The following OR10H1 variants were observed in gnomAD, a reference collection of about 807,000 sequenced individuals.
OR10H1 encodes the protein olfactory receptor family 10 subfamily H member 1.
Under a neutral mutation model 13.1 loss-of-function variants are expected in OR10H1, and 12 were observed. The ratio of observed to expected loss-of-function variants is 0.92; its 90% CI spans 0.59 to 1.48. OR10H1 has a LOEUF of 1.48. OR10H1 is among the 40% of genes most tolerant of loss of function. The pLI is 0.00. For missense variants in OR10H1, 363 were observed against 413.1 expected (o/e 0.88, Z 1.05); for synonymous variants, 168 against 175.6 (o/e 0.96, Z 0.34).
At chr19:15,815,027 A>T (rs2088958668) in intron 1 of OR10H1, among the ~76,000 whole-genome samples, 1 of 152,124 alleles carries the variant, frequency 6.6e-6, no homozygotes, top group African/African-American at 2.4e-5. Context: ...CTACCTCATG[A>T]GGCAGCAGGA....
At position 15,814,608 on chromosome 19, in the gene OR10H1, G is replaced by A. The variant is rs563554399; in HGVS notation, c.-778+947C>T. ...GCTCACTGCAGCCTTAACTTCCTGGGCTCAAGCAATCCTCCCACCTCAATC... is the reference window on the plus strand; with the variant it reads ...GCTCACTGCAGCCTTAACTTCCTGGACTCAAGCAATCCTCCCACCTCAATC... On this transcript the variant is annotated intron_variant, in intron 1 of 3. Coordinates refer to ENST00000641419, the MANE Select transcript of OR10H1 (RefSeq NM_013940.4). 3.3e-5 allele frequency among the ~76,000 whole-genome samples: 5 copies of A among 151,806 alleles called. No individual in the cohort carries two copies. In the East Asian group the frequency reaches 7.8e-4, roughly 24 times the overall value.
intron 3 of OR10H1, 62 bp from the exon 4 acceptor site, chr19:15,808,110 C>G: frequency 7.1e-7 from 1 of 1,398,882 alleles, no homozygotes; most frequent in Non-Finnish European, 1.0e-6. Context: ...TCAGCCTTCC[C>G]CATACCTGGA....
intron 3 of OR10H1, 121 bp from the exon 4 acceptor site, chr19:15,808,169 C>G: frequency 1.3e-6 from 1 of 748,228 alleles, no homozygotes; most frequent in East Asian, 2.6e-5. Flanking sequence ...CATTCCCACT[C>G]TGTACCTCCT....
rs1364733053 is a variant in OR10H1, at chr19:15,805,974, T to C, written c.*1107A>G. 1 of 152,224 alleles carries C rather than the reference T, an allele frequency of 6.6e-6. No individual in the cohort carries two copies. Among genetic ancestry groups the C allele is most frequent in the African/African-American group, 2.4e-5 (1 of 41,454 alleles). The allele number at this position is 152,224 out of a possible 1,614,324, so 9.4% of individuals were successfully genotyped here. On this transcript the variant is annotated 3_prime_UTR_variant, in exon 4 of 4. Coordinates refer to ENST00000641419, the MANE Select transcript of OR10H1 (RefSeq NM_013940.4). ...TGTTTAAAGAGAGTCTGTTTATTGC[T>C]ATTTCTAACTTCTATTGCATAGATC...
rs201524233 is a variant in OR10H1, at chr19:15,807,124, G to A, written c.914C>T (p.Thr305Ile). The A allele has an allele frequency of 6.9e-5, 111 of 1,614,016 alleles. No homozygotes were observed. Among genetic ancestry groups the A allele is most frequent in the Non-Finnish European group, 8.6e-5 (102 of 1,179,972 alleles). The change falls in exon 4 of 4, where the codon ACC becomes ATC. Residue 305 changes from threonine (T) to isoleucine (I), a missense_variant. Thr to Ile is a moderately conservative substitution (Grantham distance 89). Coordinates refer to ENST00000641419, the MANE Select transcript of OR10H1 (RefSeq NM_013940.4). The part of the protein sequence containing the change: ...NKELKVAMKK[T>I]FFSKLYPEKN... ...TTCTGGGTAGAGTTTACTGAAGAAG[G>A]TCTTCTTCATGGCGACCTTCAGCTC...
At chr19:15,808,213 G>A (rs1425395147) in intron 3 of OR10H1, 165 bp from the exon 4 acceptor site, 5 of 617,714 alleles carry the variant, frequency 8.1e-6, no homozygotes, top group Non-Finnish European at 1.4e-5. Flanking sequence ...TAGTGAGAAC[G>A]GTACTATTTT....
At chr19:15,809,920 A>G (rs905202218) in intron 2 of OR10H1, among the ~76,000 whole-genome samples, 1 of 151,962 alleles carries the variant, frequency 6.6e-6, no homozygotes, top group Non-Finnish European at 1.5e-5. Context: ...GGCTTAAGCG[A>G]TCTTCCCTTC....
chr19:15,812,034 C>T (rs1361381354), intron 2 of OR10H1, among the ~76,000 whole-genome samples, 196 bp downstream of exon 2: 1 of 152,190 alleles, frequency 6.6e-6, no homozygotes, highest in Non-Finnish European at 1.5e-5. Context: ...TCACATCACT[C>T]ATGCTATTCT....
Position 15,812,671 on chromosome 19 carries a change from G to A in OR10H1, c.-570C>T, listed in dbSNP as rs1014544513. 2.0e-5 allele frequency: 3 copies of A among 149,806 alleles called. No homozygotes were observed. The highest frequency in any genetic ancestry group is 6.7e-5 in the Admixed American group (1 of 14,920). The allele number at this position is 149,806 out of a possible 1,614,324, so 9.3% of individuals were successfully genotyped here. Reference sequence around the variant, plus strand: ...AGAAAGGGAGGGAGGGAGGCAGGAAGGAAGGAAGGAGAGTGAGGGAGGAAA... The same window carrying A: ...AGAAAGGGAGGGAGGGAGGCAGGAAAGAAGGAAGGAGAGTGAGGGAGGAAA... On this transcript the variant is annotated 5_prime_UTR_variant, in exon 2 of 4. Transcript: ENST00000641419.
chr19:15,806,778 A>G lies in OR10H1; in HGVS notation c.*303T>C. On this transcript the variant is annotated 3_prime_UTR_variant, in exon 4 of 4. Coordinates refer to ENST00000641419, the MANE Select transcript of OR10H1 (RefSeq NM_013940.4). Reference sequence around the variant, plus strand: ...AGTCTCACTCTGTCGCCCAGGCTGGAGTGCAGTGGTGTGATCTCAGCTCAC... The same window carrying G: ...AGTCTCACTCTGTCGCCCAGGCTGGGGTGCAGTGGTGTGATCTCAGCTCAC... 3.5e-6 allele frequency: 1 copy of G among 289,018 alleles called. No homozygotes were observed. The highest frequency in any genetic ancestry group is 6.5e-6 in the Non-Finnish European group (1 of 154,144). The allele number at this position is 289,018 out of a possible 1,614,324, so 17.9% of individuals were successfully genotyped here. A position where few individuals can be genotyped will look rare whatever the true frequency, so the allele number is the denominator to read the frequency against.
chr19:15,808,855 A>C lies in OR10H1; in HGVS notation c.-128-14T>G, dbSNP rs2365546. The C allele has an allele frequency of 6.6e-6, 1 of 150,602 alleles. No individual in the cohort carries two copies. The highest frequency in any genetic ancestry group is 2.5e-5 in the African/African-American group (1 of 40,312). The allele number at this position is 150,602 out of a possible 1,614,324, so 9.3% of individuals were successfully genotyped here. A position where few individuals can be genotyped will look rare whatever the true frequency, so the allele number is the denominator to read the frequency against. ...CAGAGCGAGTCTCTGTCTCAAAAAAAAAAAAAATAAATAAATAAAAAGAAG... is the reference window on the plus strand; with the variant it reads ...CAGAGCGAGTCTCTGTCTCAAAAAACAAAAAAATAAATAAATAAAAAGAAG... On this transcript the variant is annotated splice_polypyrimidine_tract_variant and intron_variant, in intron 2 of 3. Coordinates refer to ENST00000641419, the MANE Select transcript of OR10H1 (RefSeq NM_013940.4).
In OR10H1 at chr19:15,807,308, A is replaced by G. The variant is rs761228534; in HGVS notation, c.730T>C (p.Ser244Pro). 1.2e-6 allele frequency: 2 copies of G among 1,613,938 alleles called. No homozygotes were observed. The highest frequency in any genetic ancestry group is 1.7e-6 in the Non-Finnish European group (2 of 1,179,832). The change falls in exon 4 of 4, where the codon TCT becomes CCT. Residue 244 changes from serine to proline, a missense_variant. Around this residue, in one of 3 missense-constraint regions of OR10H1, gnomAD observed 318 missense variants for 366.6 expected, o/e 0.87. Transcript: ENST00000641419. ...TGCACGACCACCACAGTGAGGTGAG[A>G]GGCACAGGTGGAGAAGGCCTTGTTC... ...GRNKAFSTCA[S>P]HLTVVVVHYG...
At chr19:15,810,407 C>G (rs2088926837) in intron 2 of OR10H1, among the ~76,000 whole-genome samples, 1 of 149,028 alleles carries the variant, frequency 6.7e-6, no homozygotes, top group Non-Finnish European at 1.5e-5. Flanking sequence ...CCTTTTGTGT[C>G]TCATTTCTTT....
chr19:15,812,011 C>A (rs1396908188), intron 2 of OR10H1, among the ~76,000 whole-genome samples: 2 of 152,164 alleles, frequency 1.3e-5, no homozygotes, highest in African/African-American at 4.8e-5. Flanking sequence ...GTCCTACAGA[C>A]CAGGCACTGC....
At chr19:15,808,473 G>C (rs1191565213) in intron 3 of OR10H1, among the ~76,000 whole-genome samples, 1 of 152,156 alleles carries the variant, frequency 6.6e-6, no homozygotes, top group Non-Finnish European at 1.5e-5. Context: ...GACGGCTTGA[G>C]CCCAAGAGTT....
In OR10H1 at chr19:15,807,110, G is replaced by T; in HGVS notation, c.928C>A (p.Leu310Ile). The T allele has an allele frequency of 6.2e-7, 1 of 1,613,594 alleles. No individual in the cohort carries two copies. Among genetic ancestry groups the T allele is most frequent in the Non-Finnish European group, 8.5e-7 (1 of 1,179,896 alleles). ...VAMKKTFFSK[L>I]YPEKNVMM ...ATCATTACATTTTTTTCTGGGTAGAGTTTACTGAAGAAGGTCTTCTTCATG... is the reference window on the plus strand; with the variant it reads ...ATCATTACATTTTTTTCTGGGTAGATTTTACTGAAGAAGGTCTTCTTCATG... The change falls in exon 4 of 4, where the codon CTC becomes ATC. Residue 310 changes from leucine (L) to isoleucine (I), a missense_variant. Around this residue, in one of 3 missense-constraint regions of OR10H1, gnomAD observed 42 missense variants for 30.3 expected, o/e 1.39. Transcript: ENST00000641419.
rs1196003521 is a variant in OR10H1, at chr19:15,807,088, A to G, written c.950T>C (p.Met317Thr). The change falls in exon 4 of 4, where the codon ATG becomes ACG. Residue 317 changes from methionine to threonine, a missense_variant. Coordinates refer to ENST00000641419, the MANE Select transcript of OR10H1 (RefSeq NM_013940.4). ...FSKLYPEKNV[M>T]M ...GTTCCCAGTGAATTTCTCCTACATC[A>G]TTACATTTTTTTCTGGGTAGAGTTT... 7 of 1,609,864 alleles carry G rather than the reference A, an allele frequency of 4.3e-6. No individual in the cohort carries two copies. The highest frequency in any genetic ancestry group is 1.1e-5 in the South Asian group (1 of 90,458).
At position 15,807,682 on chromosome 19, in the gene OR10H1, C is replaced by T. The variant is rs143305519; in HGVS notation, c.356G>A (p.Gly119Asp). The part of the protein sequence containing the change: ...FTHSFLLTVM[G>D]YDRYVAICHP... ...GCAGATGGCCACGTAGCGGTCGTAG[C>T]CCATGACGGTGAGCAGGAAGGAGTG... Residue 119 changes from glycine (G) to aspartate (D), a missense_variant, in exon 4 of 4, where the codon GGC becomes GAC. Transcript: ENST00000641419. 2.0e-3 allele frequency: 3,163 copies of T among 1,613,958 alleles called. 50 individuals are homozygous for T. In the African/African-American group the frequency reaches 0.037, roughly 19 times the overall value.
At chr19:15,815,531 T>C (rs2088962019) in intron 1 of OR10H1, 24 bp downstream of exon 1, 2 of 152,168 alleles carry the variant, frequency 1.3e-5, no homozygotes, top group African/African-American at 4.8e-5. Flanking sequence ...CCTGGTCAGG[T>C]GGCTGAGAGG....
Sources: gnomAD v4.1 joint callset for allele counts (sites outside exome capture counted in the v4.1 genomes callset) on GRCh38, gnomAD v4.1.1 for gene constraint, gnomAD v4.1.1 regional missense constraint, MANE v1.5 for transcripts, NCBI Gene and HGNC (gene_info 2026-07-23, HGNC 2026-07-21) for gene names.